HIPK3: variants seen among roughly 807,000 people sequenced by gnomAD.
HIPK3 encodes the protein homeodomain interacting protein kinase 3.
In HIPK3, 47 loss-of-function variants were observed where a neutral mutation model predicts 124.2. The observed-to-expected ratio is 0.38, with a 90% CI of 0.30 to 0.48. The LOEUF (loss-of-function observed/expected upper bound fraction) is 0.48, where lower values mean the gene tolerates loss of function less well. Ranked by LOEUF, HIPK3 falls within the 20% of genes least tolerant of loss-of-function variation. The pLI is 0.98. For synonymous variants in HIPK3, 482 were observed against 515.2 expected (o/e 0.94, Z 0.87); for missense variants, 1,286 against 1,454.3 (o/e 0.88, Z 1.88).
At position 33,261,370 on chromosome 11, in the gene HIPK3, C is replaced by T. The variant is rs540259884; in HGVS notation, c.-3+3481C>T. ...TTCTGCTCTTCTCCCTCCTCTCATC[C>T]TCCACCATCTGGTAGGTCCCAGTGT... is the stretch of plus-strand genomic sequence containing the variant. On this transcript the variant is annotated intron_variant, in intron 1 of 16. Coordinates refer to ENST00000303296, the MANE Select transcript of HIPK3 (RefSeq NM_005734.5). Among the ~76,000 whole-genome samples, 15 of 152,046 alleles carry T rather than the reference C, an allele frequency of 9.9e-5. No individual in the cohort carries two copies. In the South Asian group the frequency reaches 1.5e-3, roughly 15 times the overall value.
intron 2 of HIPK3, among the ~76,000 whole-genome samples, chr11:33,297,349 C>A (rs554549859): frequency 1.3e-5 from 2 of 152,206 alleles, no homozygotes; most frequent in Non-Finnish European, 2.9e-5. Flanking sequence ...CCAACTTGGC[C>A]TCCCAGAGAG....
At chr11:33,273,287 G>A (rs1319904598) in intron 1 of HIPK3, among the ~76,000 whole-genome samples, 13 of 152,066 alleles carry the variant, frequency 8.5e-5, no homozygotes, top group East Asian at 5.8e-4. Context: ...GGCAGATCAC[G>A]AGGTCAGGAG....
chr11:33,317,904 G>T (rs527687629), intron 2 of HIPK3, among the ~76,000 whole-genome samples: 262 of 152,318 alleles, frequency 1.7e-3, no homozygotes, highest in Non-Finnish European at 3.1e-3. Flanking sequence ...AACTGCCTCT[G>T]TAAAAAGATG....
rs869091127 is a variant in HIPK3, at chr11:33,279,324, C to CAA, written c.-2-7066_-2-7065dup. 7.6e-3 allele frequency among the ~76,000 whole-genome samples: 583 copies of CAA among 76,546 alleles called. 2 individuals carry two copies. The highest frequency in any genetic ancestry group is 0.011 in the Non-Finnish European group (422 of 39,970). 50.2% of individuals were successfully genotyped at this position (76,546 alleles called of 152,430 possible). A position where few individuals can be genotyped will look rare whatever the true frequency, so the allele number is the denominator to read the frequency against. ...GGCAACAGAGGGAGACTCTTTGTCT[C>CAA]AAAAAAAAAAAAAAAAAAAAAAAAG... is the stretch of plus-strand genomic sequence containing the variant. On this transcript the variant is annotated intron_variant, in intron 1 of 16. Coordinates refer to ENST00000303296, the MANE Select transcript of HIPK3 (RefSeq NM_005734.5).
At position 33,312,422 on chromosome 11, in the gene HIPK3, C is replaced by T. The variant is rs1027372860; in HGVS notation, c.1098-16088C>T. ...AGTTGATTAATTTTGTTGGCTATTC[C>T]GTATGATATCAAAAACCTGAGAATT... On this transcript the variant is annotated intron_variant, in intron 2 of 16. Transcript: ENST00000303296. Among the ~76,000 whole-genome samples, 18 of 152,026 alleles carry T rather than the reference C, an allele frequency of 1.2e-4. No individual in the cohort carries two copies. In the South Asian group the frequency reaches 1.5e-3, roughly 12 times the overall value.
intron 9 of HIPK3, 50 bp from the exon 10 acceptor site, chr11:33,347,579 C>G (rs891150855): frequency 5.6e-6 from 9 of 1,593,100 alleles, no homozygotes; most frequent in Non-Finnish European, 7.7e-6. Flanking sequence ...TGGTAAAGTT[C>G]AATTACTTAT....
chr11:33,285,579 ATATAT>A (rs942423382), intron 1 of HIPK3, among the ~76,000 whole-genome samples: 3 of 45,524 alleles, frequency 6.6e-5, no homozygotes, highest in African/African-American at 1.9e-4. Flanking sequence ...AAAAAAAAAA[ATATAT>A]ATATATATAT....
intron 1 of HIPK3, among the ~76,000 whole-genome samples, chr11:33,278,508 G>A (rs1378255605): frequency 6.6e-6 from 1 of 152,168 alleles, no homozygotes. Flanking sequence ...GAGGGACTTG[G>A]TAGTTGGTCA....
chr11:33,299,099 G>A (rs959619444), intron 2 of HIPK3, among the ~76,000 whole-genome samples: 1 of 151,238 alleles, frequency 6.6e-6, no homozygotes, highest in Non-Finnish European at 1.5e-5. Flanking sequence ...TACCTGCCTC[G>A]GCCTCCCAAA....
chr11:33,344,798 T>A (rs188814454), intron 8 of HIPK3, among the ~76,000 whole-genome samples: 1 of 152,296 alleles, frequency 6.6e-6, no homozygotes, highest in Non-Finnish European at 1.5e-5. Context: ...GTAGAGTGTC[T>A]GCCTTAGAAA....
At chr11:33,275,363 T>C (rs554918150) in intron 1 of HIPK3, among the ~76,000 whole-genome samples, 1 of 152,318 alleles carries the variant, frequency 6.6e-6, no homozygotes, top group African/African-American at 2.4e-5. Flanking sequence ...TATTATTTCC[T>C]GGATTGAATG....
In HIPK3 at chr11:33,347,721, T is replaced by C. The variant is rs1853538974; in HGVS notation, c.2112T>C (p.Ser704=). ...CTACTACTACACTAACTTCTGAGAG[T>C]GTGGCTGGTTCACACAGGCTTGGAG... The part of the protein sequence containing the change: ...APATTTLTSE[S]VAGSHRLGDW... Residue 704 remains serine (S), a synonymous_variant, in exon 10 of 17, where the codon AGT becomes AGC. Transcript: ENST00000303296. The C allele has an allele frequency of 6.2e-7, 1 of 1,613,980 alleles. No individual in the cohort carries two copies.
intron 2 of HIPK3, among the ~76,000 whole-genome samples, chr11:33,314,114 A>G (rs1268900427): frequency 6.6e-6 from 1 of 152,196 alleles, no homozygotes; most frequent in Non-Finnish European, 1.5e-5. Flanking sequence ...GAGCCACTGC[A>G]CCTGGCTGAA....
intron 2 of HIPK3, among the ~76,000 whole-genome samples, chr11:33,290,971 C>T (rs1456143279): frequency 6.6e-6 from 1 of 152,106 alleles, no homozygotes; most frequent in Non-Finnish European, 1.5e-5. Context: ...TAAACAAAGA[C>T]TAGTGCAGGC....
chr11:33,323,659 A>G (rs1472161957), intron 2 of HIPK3, among the ~76,000 whole-genome samples: 1 of 152,252 alleles, frequency 6.6e-6, no homozygotes, highest in African/African-American at 2.4e-5. Context: ...TCTAGTGGAT[A>G]AAATGAAAAT....
intron 2 of HIPK3, among the ~76,000 whole-genome samples, chr11:33,293,179 T>G (rs1851746217): frequency 6.6e-6 from 1 of 152,230 alleles, no homozygotes; most frequent in African/African-American, 2.4e-5. Context: ...TAAGTTTTTT[T>G]GTTTTGTTTT....
intron 2 of HIPK3, among the ~76,000 whole-genome samples, chr11:33,319,806 A>G (rs1353536093): frequency 6.6e-6 from 1 of 152,230 alleles, no homozygotes; most frequent in Non-Finnish European, 1.5e-5. Flanking sequence ...TTTATGTTCT[A>G]GTGGGGGCAG....
chr11:33,273,512 C>CAAAAA (rs398015727), intron 1 of HIPK3, among the ~76,000 whole-genome samples: 57 of 47,984 alleles, frequency 1.2e-3, no homozygotes, highest in East Asian at 2.4e-3. Context: ...TCTGTCTCCA[C>CAAAAA]AAAAAAAAAA....
chr11:33,353,931 A>G lies in HIPK3; in HGVS notation c.*363A>G, dbSNP rs561692742. 65 of 238,436 alleles carry G rather than the reference A, an allele frequency of 2.7e-4. No homozygotes were observed. Among genetic ancestry groups the G allele is most frequent in the Admixed American group, 1.1e-3 (21 of 19,274 alleles). The allele number at this position is 238,436 out of a possible 1,614,324, so 14.8% of individuals were successfully genotyped here. On this transcript the variant is annotated 3_prime_UTR_variant, in exon 17 of 17. Transcript: ENST00000303296. ...CAACAGATGCACATATGTCAGAATT[A>G]CAGCATACAAGTGAATTGTATTATC...
Sources: gnomAD v4.1 joint callset for allele counts (sites outside exome capture counted in the v4.1 genomes callset) on GRCh38, gnomAD v4.1.1 for gene constraint, MANE v1.5 for transcripts, NCBI Gene and HGNC (gene_info 2026-07-23, HGNC 2026-07-21) for gene names.